ERGIC2: variants seen among roughly 807,000 people sequenced by gnomAD.
The protein encoded by ERGIC2 is endoplasmic reticulum-Golgi intermediate compartment protein 2.
A neutral mutation model predicts 52.5 loss-of-function variants in ERGIC2; 31 were observed. The ratio of observed to expected loss-of-function variants is 0.59; its 90% CI spans 0.44 to 0.80. The LOEUF is 0.80. Ranked by LOEUF, ERGIC2 falls within the 30% of genes least tolerant of loss-of-function variation. ERGIC2 has a pLI of 0.00. For synonymous variants in ERGIC2, 129 were observed against 140.6 expected (o/e 0.92, Z 0.58); for missense variants, 395 against 455.2 (o/e 0.87, Z 1.20).
chr12:29,378,189 A>G (rs1188706259), intron 1 of ERGIC2, among the ~76,000 whole-genome samples: 1 of 152,210 alleles, frequency 6.6e-6, no homozygotes, highest in Non-Finnish European at 1.5e-5. Context: ...ACACAGAGAA[A>G]CACAAGGGAA....
chr12:29,360,800 T>C (rs890627564), intron 6 of ERGIC2, among the ~76,000 whole-genome samples: 1 of 151,842 alleles, frequency 6.6e-6, no homozygotes, highest in African/African-American at 2.4e-5. Context: ...GGCTTTTACA[T>C]TTACTTTGTA....
At chr12:29,378,780 C>T (rs1029497326) in intron 1 of ERGIC2, among the ~76,000 whole-genome samples, 7 of 151,940 alleles carry the variant, frequency 4.6e-5, no homozygotes, top group African/African-American at 1.7e-4. Context: ...AATCAGAAAA[C>T]CCTGATTACC....
intron 1 of ERGIC2, among the ~76,000 whole-genome samples, chr12:29,373,740 T>C (rs1940475217): frequency 1.3e-5 from 2 of 152,182 alleles, no homozygotes; most frequent in South Asian, 4.1e-4. Context: ...CTTCGAATTA[T>C]GATTTTTTTC....
chr12:29,345,425 C>G lies in ERGIC2; in HGVS notation c.825+18G>C, dbSNP rs759740056. 1 of 1,304,412 alleles carries G rather than the reference C, an allele frequency of 7.7e-7. No homozygotes were observed. The highest frequency in any genetic ancestry group is 1.5e-5 in the African/African-American group (1 of 67,134). 80.8% of individuals were successfully genotyped at this position (1,304,412 alleles called of 1,614,324 possible). On this transcript the variant is annotated intron_variant, in intron 11 of 13. Coordinates refer to ENST00000360150, the MANE Select transcript of ERGIC2 (RefSeq NM_016570.3). ...TAAAAAAATCACCAAATTATTTTAC[C>G]GGTTGGATTCAACTTACCCTTTCTG...
intron 2 of ERGIC2, among the ~76,000 whole-genome samples, chr12:29,370,440 C>T (rs1940425843): frequency 6.6e-6 from 1 of 151,764 alleles, no homozygotes; most frequent in African/African-American, 2.4e-5. Context: ...CAAATATGAA[C>T]ATAAACACTT....
Position 29,371,626 on chromosome 12 carries a change from C to T in ERGIC2, c.8G>A (p.Arg3Gln). Residue 3 changes from arginine (R) to glutamine (Q), a missense_variant, in exon 2 of 14, where the codon CGA (arginine) becomes CAA (glutamine). By Grantham distance (43) the Arg-to-Gln change is conservative. Transcript: ENST00000360150. ...ACTTAAAGTTTTTTTCCGATTCAGT[C>T]GCCTCATCTTCAGGAAAACCTTCCT... MR[R>Q]LNRKKTLSLV... 1.2e-6 allele frequency: 2 copies of T among 1,612,218 alleles called. No individual in the cohort carries two copies. Among genetic ancestry groups the T allele is most frequent in the Non-Finnish European group, 8.5e-7 (1 of 1,178,724 alleles).
intron 1 of ERGIC2, among the ~76,000 whole-genome samples, chr12:29,378,964 T>C (rs1940550934): frequency 6.6e-6 from 1 of 152,082 alleles, no homozygotes; most frequent in East Asian, 1.9e-4. Flanking sequence ...AAAGCAAAGA[T>C]TTGTAGGATA....
intron 5 of ERGIC2, among the ~76,000 whole-genome samples, chr12:29,366,310 G>T (rs1217672733): frequency 6.6e-6 from 1 of 151,768 alleles, no homozygotes; most frequent in Non-Finnish European, 1.5e-5. Context: ...ATAAATCTAC[G>T]ATGTTATATT....
chr12:29,378,327 C>A (rs1940542022), intron 1 of ERGIC2, among the ~76,000 whole-genome samples: 1 of 152,126 alleles, frequency 6.6e-6, no homozygotes, highest in Non-Finnish European at 1.5e-5. Context: ...GTCTTGCTGA[C>A]ACCTTGATTT....
rs1370236096 is a variant in ERGIC2 at position 29,371,608 on chromosome 12, GT to G, written c.25del (p.Thr9LeufsTer2). 4.3e-6 allele frequency: 7 copies of G among 1,613,338 alleles called. No individual in the cohort carries two copies. The highest frequency in any genetic ancestry group is 5.9e-6 in the Non-Finnish European group (7 of 1,179,646). On this transcript the variant is annotated frameshift_variant, in exon 2 of 14. Transcript: ENST00000360150. LOFTEE classifies it high-confidence loss of function. ...ATCCAACTCTTTTACCAAACTTAAA[GT>G]TTTTTTCCGATTCAGTCGCCTCATC... The part of the protein sequence containing the change: MRRLNRKK[T>X]LSLVKELDAF...
intron 1 of ERGIC2, among the ~76,000 whole-genome samples, chr12:29,377,977 C>T (rs940300916): frequency 2.6e-5 from 4 of 152,102 alleles, no homozygotes; most frequent in Non-Finnish European, 5.9e-5. Context: ...ATACATATGG[C>T]CAAGTTGCAG....
At chr12:29,370,682 T>C (rs991068810) in intron 2 of ERGIC2, among the ~76,000 whole-genome samples, 4 of 151,890 alleles carry the variant, frequency 2.6e-5, no homozygotes, top group Non-Finnish European at 5.9e-5. Flanking sequence ...ATAAGCCCAA[T>C]TTAAAACAAA....
At chr12:29,356,765 A>C (rs1202553850) in intron 7 of ERGIC2, among the ~76,000 whole-genome samples, 1 of 151,866 alleles carries the variant, frequency 6.6e-6, no homozygotes, top group Non-Finnish European at 1.5e-5. Context: ...AAACAAAATA[A>C]TTAGTCCAAA....
At chr12:29,344,441 A>G (rs1367166067) in intron 11 of ERGIC2, among the ~76,000 whole-genome samples, 21 of 152,186 alleles carry the variant, frequency 1.4e-4, no homozygotes, top group Admixed American at 1.4e-3. Context: ...GTGTTTGCCA[A>G]TCTTACAGGT....
intron 12 of ERGIC2, 117 bp from the exon 13 acceptor site, chr12:29,341,933 C>A (rs1949843268): frequency 3.7e-6 from 2 of 538,432 alleles, no homozygotes; most frequent in Non-Finnish European, 3.4e-6. Context: ...TATTCACTTC[C>A]ATGGTTAAAA....
At chr12:29,376,408 A>T (rs1431232288) in intron 1 of ERGIC2, among the ~76,000 whole-genome samples, 1 of 151,740 alleles carries the variant, frequency 6.6e-6, no homozygotes, top group Non-Finnish European at 1.5e-5. Context: ...CTTCTCCCCC[A>T]CTCCATTATC....
At chr12:29,379,194 A>G (rs1940554204) in intron 1 of ERGIC2, among the ~76,000 whole-genome samples, 1 of 152,160 alleles carries the variant, frequency 6.6e-6, no homozygotes, top group South Asian at 2.1e-4. Context: ...GCTCTCAATA[A>G]AAGTATAGAA....
Position 29,354,033 on chromosome 12 carries a change from G to C in ERGIC2, c.572+2349C>G, listed in dbSNP as rs563823469. On this transcript the variant is annotated intron_variant, in intron 8 of 13. Transcript: ENST00000360150. Reference sequence around the variant, plus strand: ...CATTTTGAGTTGTCAGAATTATTGGGAAGGGGTTGCTATTGGGATTTACTG... The same window carrying C: ...CATTTTGAGTTGTCAGAATTATTGGCAAGGGGTTGCTATTGGGATTTACTG... Among the ~76,000 whole-genome samples, 6 of 152,204 alleles carry C rather than the reference G, an allele frequency of 3.9e-5. No homozygotes were observed. The South Asian group carries it at 1.0e-3, about 26-fold the overall frequency.
chr12:29,350,394 G>A (rs1020716223), intron 8 of ERGIC2, among the ~76,000 whole-genome samples: 2 of 151,950 alleles, frequency 1.3e-5, no homozygotes, highest in Non-Finnish European at 2.9e-5. Flanking sequence ...ATAGTAATGA[G>A]TCCTTTTTTT....
Sources: gnomAD v4.1 joint callset for allele counts (sites outside exome capture counted in the v4.1 genomes callset) on GRCh38, gnomAD v4.1.1 for gene constraint, MANE v1.5 for transcripts, NCBI Gene and HGNC (gene_info 2026-07-23, HGNC 2026-07-21) for gene names.